The following PRELID2 variants were observed in gnomAD, a reference collection of about 807,000 sequenced individuals.
PRELID2 encodes the protein PRELI domain-containing protein 2.
PRELID2 carries 25 observed loss-of-function variants against 28.4 expected under a neutral mutation model. The observed-to-expected ratio is 0.88, with a 90% CI of 0.64 to 1.23. The LOEUF is 1.23. PRELID2 is among the 50% of genes most tolerant of loss of function. PRELID2 has a pLI of 0.00. For missense variants in PRELID2, 201 were observed against 214.4 expected (o/e 0.94, Z 0.39); for synonymous variants, 76 against 71.6 (o/e 1.06, Z -0.31).
intron 1 of PRELID2, among the ~76,000 whole-genome samples, chr5:145,504,559 G>T (rs758657256): frequency 6.6e-6 from 1 of 152,126 alleles, no homozygotes; most frequent in Admixed American, 6.5e-5. Flanking sequence ...GTAAGGCAAC[G>T]TGGGGTCATG....
chr5:145,278,626 T>C, the PRELID2 span, among the ~76,000 whole-genome samples: 1 of 152,078 alleles, frequency 6.6e-6, no homozygotes, highest in African/African-American at 2.4e-5. Flanking sequence ...CATAACATAA[T>C]CATGGAGGTG....
chr5:145,303,640 A>G, the PRELID2 span, among the ~76,000 whole-genome samples: 1 of 152,302 alleles, frequency 6.6e-6, no homozygotes, highest in South Asian at 2.1e-4. Flanking sequence ...GTGGTCTGGT[A>G]TGTCTTTATA....
chr5:145,736,909 T>A (rs1308210719), intron 1 of PRELID2, among the ~76,000 whole-genome samples: 1 of 152,130 alleles, frequency 6.6e-6, no homozygotes, highest in East Asian at 1.9e-4. Context: ...ATCTAACAGA[T>A]GATCAAAATT....
At chr5:145,764,415 G>A (rs987064986) in intron 6 of PRELID2, among the ~76,000 whole-genome samples, 2 of 152,164 alleles carry the variant, frequency 1.3e-5, no homozygotes, top group Non-Finnish European at 2.9e-5. Context: ...CTCTTACCCA[G>A]AGCCTGGGAA....
At chr5:145,822,748 T>C (rs547482404) in intron 2 of PRELID2, among the ~76,000 whole-genome samples, 5 of 152,336 alleles carry the variant, frequency 3.3e-5, no homozygotes, top group African/African-American at 1.2e-4. Context: ...AATGAATTAA[T>C]AAGAGTACCT....
the PRELID2 span, among the ~76,000 whole-genome samples, chr5:145,283,262 C>T: frequency 6.6e-6 from 1 of 152,128 alleles, no homozygotes; most frequent in Non-Finnish European, 1.5e-5. Context: ...TATCTTGGAA[C>T]AATTCTCCGG....
intron 1 of PRELID2, among the ~76,000 whole-genome samples, chr5:145,527,742 C>T (rs1267723057): frequency 1.3e-5 from 2 of 152,170 alleles, no homozygotes; most frequent in South Asian, 2.1e-4. Context: ...TGTTTAACTT[C>T]GCTATGCCTC....
chr5:145,235,681 C>T, the PRELID2 span, among the ~76,000 whole-genome samples: 2 of 151,986 alleles, frequency 1.3e-5, no homozygotes, highest in African/African-American at 4.8e-5. Context: ...GGCAGATTTG[C>T]CATCCTAGAG....
the PRELID2 span, among the ~76,000 whole-genome samples, chr5:145,435,841 C>G: frequency 6.6e-6 from 1 of 152,152 alleles, no homozygotes; most frequent in Non-Finnish European, 1.5e-5. Flanking sequence ...GTCTACCACA[C>G]TGTAGCAATG....
intron 1 of PRELID2, among the ~76,000 whole-genome samples, chr5:145,634,257 C>G (rs1420151214): frequency 6.6e-6 from 1 of 152,140 alleles, no homozygotes; most frequent in Non-Finnish European, 1.5e-5. Flanking sequence ...TTCTAAAATA[C>G]AAACATCACT....
intron 4 of PRELID2, among the ~76,000 whole-genome samples, chr5:145,817,198 A>ATATAT (rs1754372530): frequency 4.3e-5 from 3 of 70,092 alleles, no homozygotes; most frequent in Admixed American, 1.8e-4. Context: ...TTCAAAAAAA[A>ATATAT]ATAAATAAAT....
chr5:145,581,677 C>T (rs1235094325), intron 1 of PRELID2, among the ~76,000 whole-genome samples: 2 of 152,044 alleles, frequency 1.3e-5, no homozygotes, highest in African/African-American at 4.8e-5. Flanking sequence ...CTGCATGGTA[C>T]ATGGCACCTA....
chr5:145,375,578 G>A, the PRELID2 span, among the ~76,000 whole-genome samples: 2 of 152,172 alleles, frequency 1.3e-5, no homozygotes, highest in Non-Finnish European at 1.5e-5. Context: ...AAGGAGGAAA[G>A]GCGAAGTCTG....
the PRELID2 span, chr5:145,450,751 G>T: frequency 6.6e-6 from 1 of 152,184 alleles, no homozygotes; most frequent in African/African-American, 2.4e-5. Context: ...GCTGGACAGA[G>T]AATTCTGCAA....
chr5:145,419,853 T>C, the PRELID2 span, among the ~76,000 whole-genome samples: 1 of 152,044 alleles, frequency 6.6e-6, no homozygotes, highest in African/African-American at 2.4e-5. Context: ...CTAGGGTTTT[T>C]ATGGTTTTAG....
intron 1 of PRELID2, among the ~76,000 whole-genome samples, chr5:145,592,861 T>G (rs1280122449): frequency 6.6e-6 from 1 of 152,212 alleles, no homozygotes. Context: ...AAGTAACTAT[T>G]TCAAGTCACC....
chr5:145,482,091 C>T (rs1752166940), intron 1 of PRELID2, among the ~76,000 whole-genome samples: 1 of 152,136 alleles, frequency 6.6e-6, no homozygotes, highest in South Asian at 2.1e-4. Flanking sequence ...CATTCCGTGG[C>T]CCTGTCATCT....
chr5:145,504,328 A>C (rs1448935678), intron 1 of PRELID2, among the ~76,000 whole-genome samples: 1 of 152,214 alleles, frequency 6.6e-6, no homozygotes, highest in Non-Finnish European at 1.5e-5. Context: ...AGGCATATAA[A>C]GGACTTTTAT....
intron 1 of PRELID2, among the ~76,000 whole-genome samples, chr5:145,626,201 CCTT>C (rs1753842362): frequency 6.6e-6 from 1 of 152,052 alleles, no homozygotes; most frequent in African/African-American, 2.4e-5. Flanking sequence ...AAACTTAAAA[CCTT>C]CTTCATAACA....
Sources: allele counts gnomAD v4.1 joint callset (sites outside exome capture counted in the v4.1 genomes callset), GRCh38; gene constraint gnomAD v4.1.1; transcripts MANE v1.5; gene names NCBI Gene and HGNC (gene_info 2026-07-23, HGNC 2026-07-21).